The following SPIRE1 variants were observed in gnomAD, a reference collection of about 807,000 sequenced individuals.
SPIRE1 encodes protein spire homolog 1.
A neutral mutation model predicts 94.1 loss-of-function variants in SPIRE1; 40 were observed. That is an observed-to-expected ratio of 0.43 (90% CI 0.33 to 0.55). The LOEUF (loss-of-function observed/expected upper bound fraction) is 0.55, where lower values mean the gene tolerates loss of function less well. SPIRE1 is among the 20% of genes least tolerant of loss of function. The pLI, the probability that SPIRE1 is intolerant of heterozygous loss-of-function variation, is 0.06. For missense variants in SPIRE1, 838 were observed against 975.2 expected (o/e 0.86, Z 1.87); for synonymous variants, 376 against 371.7 (o/e 1.01, Z -0.13).
chr18:12,556,381 T>C lies in SPIRE1; in HGVS notation c.373-9477A>G, dbSNP rs146818232. ...ATCCTAAGCAAAAAGAACAGAACTG[T>C]AGGAATCATGTTAACTTTAAATAAT... On this transcript the variant is annotated intron_variant, in intron 2 of 16. Coordinates refer to ENST00000409402, the MANE Select transcript of SPIRE1 (RefSeq NM_001128626.2). Among the ~76,000 whole-genome samples, 21 of 152,286 alleles carry C rather than the reference T, an allele frequency of 1.4e-4. No homozygotes were observed. In the East Asian group the frequency reaches 4.0e-3, roughly 29 times the overall value.
intron 11 of SPIRE1, among the ~76,000 whole-genome samples, chr18:12,463,915 T>C (rs1217328399): frequency 2.6e-5 from 4 of 152,218 alleles, no homozygotes; most frequent in Non-Finnish European, 5.9e-5. Context: ...TATTGTACCA[T>C]TGTCCTTCTC....
chr18:12,493,688 T>C (rs1202984074), intron 7 of SPIRE1, among the ~76,000 whole-genome samples: 4 of 152,200 alleles, frequency 2.6e-5, no homozygotes, highest in Non-Finnish European at 5.9e-5. Context: ...ATTACAGGCA[T>C]GAGCCGCTGC....
chr18:12,539,206 T>C (rs988975025), intron 3 of SPIRE1, among the ~76,000 whole-genome samples: 14 of 152,174 alleles, frequency 9.2e-5, no homozygotes, highest in African/African-American at 3.4e-4. Context: ...TGAATTCCCA[T>C]GTGTTGTGGG....
intron 2 of SPIRE1, among the ~76,000 whole-genome samples, chr18:12,617,755 C>T (rs924913697): frequency 6.6e-6 from 1 of 151,876 alleles, no homozygotes; most frequent in African/African-American, 2.4e-5. Context: ...GAGGTTTCAC[C>T]ATGGTGGCCA....
chr18:12,604,261 G>C (rs2036913027), intron 2 of SPIRE1, among the ~76,000 whole-genome samples: 2 of 152,086 alleles, frequency 1.3e-5, no homozygotes, highest in Non-Finnish European at 2.9e-5. Context: ...AGTCGTGTGA[G>C]GCTGAGCACT....
intron 4 of SPIRE1, among the ~76,000 whole-genome samples, chr18:12,531,984 T>C (rs1396424481): frequency 6.6e-6 from 1 of 152,212 alleles, no homozygotes; most frequent in African/African-American, 2.4e-5. Flanking sequence ...ACTCGATGGA[T>C]TGCTTAGACA....
chr18:12,450,317 C>A, intron 16 of SPIRE1: 1 of 294,394 alleles, frequency 3.4e-6, no homozygotes, highest in South Asian at 1.0e-4. Context: ...TGAGATGGCA[C>A]CACTGCACTC....
chr18:12,505,856 A>G (rs1393738607), intron 6 of SPIRE1, among the ~76,000 whole-genome samples: 6 of 152,194 alleles, frequency 3.9e-5, no homozygotes, highest in Admixed American at 2.0e-4. Context: ...AAAAATAATC[A>G]TGATATGTTA....
At chr18:12,587,392 C>T (rs939807520) in intron 2 of SPIRE1, among the ~76,000 whole-genome samples, 1 of 151,074 alleles carries the variant, frequency 6.6e-6, no homozygotes, top group African/African-American at 2.4e-5. Context: ...CAGAGTGATT[C>T]TCATATAATT....
intron 7 of SPIRE1, 150 bp from the exon 8 acceptor site, chr18:12,493,351 C>T: frequency 2.8e-6 from 2 of 721,116 alleles, no homozygotes; most frequent in South Asian, 4.2e-5. Context: ...TATTAAGGTT[C>T]CTAAAGCAAT....
At chr18:12,646,047 C>A (rs896260224) in intron 1 of SPIRE1, among the ~76,000 whole-genome samples, 1 of 152,168 alleles carries the variant, frequency 6.6e-6, no homozygotes, top group African/African-American at 2.4e-5. Flanking sequence ...GCAAAAAATG[C>A]GGTAACTGAT....
chr18:12,613,581 A>G (rs9948452), intron 2 of SPIRE1, among the ~76,000 whole-genome samples: 85,120 of 152,130 alleles, frequency 0.56, 24,995 homozygotes, highest in Middle Eastern at 0.75. Flanking sequence ...ATAAGAAAAA[A>G]AGAAAATAAA....
At chr18:12,546,177 G>C (rs1315846228) in intron 3 of SPIRE1, among the ~76,000 whole-genome samples, 1 of 152,090 alleles carries the variant, frequency 6.6e-6, no homozygotes, top group African/African-American at 2.4e-5. Context: ...TTTTAGTAGA[G>C]ACAGGGTTTG....
intron 9 of SPIRE1, among the ~76,000 whole-genome samples, chr18:12,485,123 G>C (rs1184718191): frequency 2.2e-5 from 1 of 45,962 alleles, no homozygotes; most frequent in African/African-American, 7.9e-5. Context: ...TTTTTTTTTT[G>C]AGACTGAGTC....
At chr18:12,578,052 A>C (rs947118859) in intron 2 of SPIRE1, among the ~76,000 whole-genome samples, 1 of 152,212 alleles carries the variant, frequency 6.6e-6, no homozygotes, top group African/African-American at 2.4e-5. Flanking sequence ...ACTAACAATA[A>C]TAAGTATTGG....
chr18:12,619,677 C>A (rs527844330), intron 2 of SPIRE1, among the ~76,000 whole-genome samples: 1 of 151,642 alleles, frequency 6.6e-6, no homozygotes, highest in Non-Finnish European at 1.5e-5. Context: ...GAAACCCTGT[C>A]TCTACTAAGA....
intron 2 of SPIRE1, among the ~76,000 whole-genome samples, chr18:12,590,389 C>T (rs1449315870): frequency 1.3e-5 from 2 of 152,050 alleles, no homozygotes; most frequent in Admixed American, 6.6e-5. Flanking sequence ...CGTGCCTGGC[C>T]GCATCTCCTA....
chr18:12,657,828 C>A lies in SPIRE1; in HGVS notation c.39G>T (p.Pro13=). The change falls in exon 1 of 17, where the codon CCG becomes CCT. Residue 13 remains proline (P), a synonymous_variant. Transcript: ENST00000409402. ...CCTCGCCGCCCACTGCCTCAGTCCGCGGCTCCCCGCCGCCCGCCGGGCCAG... is the reference window on the plus strand; with the variant it reads ...CCTCGCCGCCCACTGCCTCAGTCCGAGGCTCCCCGCCGCCCGCCGGGCCAG... ...QAAGPAGGGE[P]RTEAVGGEGP... 8.6e-7 allele frequency: 1 copy of A among 1,165,646 alleles called. No individual in the cohort carries two copies. Among genetic ancestry groups the A allele is most frequent in the South Asian group, 3.9e-5 (1 of 25,546 alleles). The allele number at this position is 1,165,646 out of a possible 1,614,324, so 72.2% of individuals were successfully genotyped here. A position where few individuals can be genotyped will look rare whatever the true frequency, so the allele number is the denominator to read the frequency against.
At chr18:12,601,217 C>G (rs1257216261) in intron 2 of SPIRE1, among the ~76,000 whole-genome samples, 1 of 151,024 alleles carries the variant, frequency 6.6e-6, no homozygotes, top group East Asian at 1.9e-4. Context: ...GGTTCGAGAC[C>G]AGCCCAGCCA....
Sources: allele counts gnomAD v4.1 joint callset (sites outside exome capture counted in the v4.1 genomes callset), GRCh38; gene constraint gnomAD v4.1.1; transcripts MANE v1.5; gene names NCBI Gene and HGNC (gene_info 2026-07-23, HGNC 2026-07-21).